The following PRKG1 variants were observed in gnomAD, a reference collection of about 807,000 sequenced individuals.
PRKG1 encodes protein kinase cGMP-dependent 1.
PRKG1 carries 35 observed loss-of-function variants against 88.1 expected under a neutral mutation model. The ratio of observed to expected loss-of-function variants is 0.40; its 90% CI spans 0.30 to 0.53. The LOEUF (loss-of-function observed/expected upper bound fraction) is 0.53, where lower values mean the gene tolerates loss of function less well. Among genes scored for constraint, PRKG1 ranks in the 20% least tolerant of loss-of-function variants. The pLI is 0.59. For missense variants in PRKG1, 540 were observed against 839.8 expected, an observed-to-expected ratio of 0.64 and a Z score of 4.41; for synonymous variants, 303 against 292.5, an observed-to-expected ratio of 1.04 and a Z score of -0.37.
intron 2 of PRKG1, among the ~76,000 whole-genome samples, chr10:51,222,065 C>T (rs561314234): frequency 2.0e-5 from 3 of 151,724 alleles, no homozygotes; most frequent in East Asian, 1.9e-4. Context: ...GTATTAGACA[C>T]GGGGTTTCAC....
chr10:51,759,863 A>T (rs78170764), intron 3 of PRKG1, among the ~76,000 whole-genome samples: 9 of 152,260 alleles, frequency 5.9e-5, no homozygotes, highest in African/African-American at 2.2e-4. Flanking sequence ...TATATTGTAA[A>T]CATCTTTCTG....
At chr10:51,674,820 A>G (rs991545847) in intron 3 of PRKG1, among the ~76,000 whole-genome samples, 3 of 152,172 alleles carry the variant, frequency 2.0e-5, no homozygotes, top group Admixed American at 1.3e-4. Flanking sequence ...ACTGTTTCCT[A>G]TACTTGGAGT....
At chr10:51,826,068 G>A (rs1839874805) in intron 4 of PRKG1, among the ~76,000 whole-genome samples, 1 of 152,104 alleles carries the variant, frequency 6.6e-6, no homozygotes, top group Admixed American at 6.6e-5. Context: ...AGGGTAAGGG[G>A]CCATCATGAA....
At chr10:52,291,107 G>A (rs1000899040) in intron 17 of PRKG1, among the ~76,000 whole-genome samples, 5 of 151,564 alleles carry the variant, frequency 3.3e-5, no homozygotes, top group Non-Finnish European at 7.4e-5. Context: ...ATTTTTAGTA[G>A]AGACACAGTT....
intron 3 of PRKG1, among the ~76,000 whole-genome samples, chr10:51,681,793 T>C (rs1397484156): frequency 1.3e-5 from 2 of 152,182 alleles, no homozygotes; most frequent in Non-Finnish European, 2.9e-5. Flanking sequence ...AATTAAATCA[T>C]AACATTTTGA....
intron 3 of PRKG1, among the ~76,000 whole-genome samples, chr10:51,694,741 ATG>A (rs1841240815): frequency 6.6e-6 from 1 of 152,182 alleles, no homozygotes; most frequent in South Asian, 2.1e-4. Context: ...AAAATTCAGG[ATG>A]TGAGGGGTTA....
intron 3 of PRKG1, among the ~76,000 whole-genome samples, chr10:51,681,393 T>A (rs1840845353): frequency 6.6e-6 from 1 of 152,182 alleles, no homozygotes; most frequent in African/African-American, 2.4e-5. Context: ...AGTAAAAATT[T>A]GAGGAGAAAT....
At chr10:51,746,297 A>G (rs1335489598) in intron 3 of PRKG1, among the ~76,000 whole-genome samples, 1 of 151,382 alleles carries the variant, frequency 6.6e-6, no homozygotes, top group Non-Finnish European at 1.5e-5. Flanking sequence ...AAATTAGTTT[A>G]CATTTAAAAA....
chr10:51,148,377 G>A (rs1056463489), intron 1 of PRKG1: 2 of 489,632 alleles, frequency 4.1e-6, no homozygotes, highest in South Asian at 1.8e-4. Flanking sequence ...TATTATAGAA[G>A]ATTTGTGCTA....
chr10:51,216,309 A>C (rs537934228), intron 2 of PRKG1, among the ~76,000 whole-genome samples: 134 of 152,336 alleles, frequency 8.8e-4, no homozygotes, highest in African/African-American at 3.1e-3. Flanking sequence ...GTTATCTTAC[A>C]TAATTCACAA....
intron 1 of PRKG1, among the ~76,000 whole-genome samples, chr10:51,098,359 C>G (rs57572714): frequency 0.029 from 4,488 of 152,214 alleles, 175 homozygotes; most frequent in African/African-American, 0.085. Flanking sequence ...TGTTATTTAC[C>G]TATTCCTTCA....
At chr10:52,039,721 G>A (rs1845708965) in intron 5 of PRKG1, among the ~76,000 whole-genome samples, 1 of 152,084 alleles carries the variant, frequency 6.6e-6, no homozygotes, top group African/African-American at 2.4e-5. Context: ...ACTGGTTAGT[G>A]CCCTTAAACT....
At chr10:52,118,540 G>A (rs575905620) in intron 7 of PRKG1, among the ~76,000 whole-genome samples, 7 of 152,050 alleles carry the variant, frequency 4.6e-5, no homozygotes, top group Admixed American at 4.6e-4. Flanking sequence ...AGTAAGGCAA[G>A]TTTAATATGT....
chr10:51,103,824 C>G (rs1360826187), intron 1 of PRKG1, among the ~76,000 whole-genome samples: 2 of 152,106 alleles, frequency 1.3e-5, no homozygotes, highest in Non-Finnish European at 2.9e-5. Flanking sequence ...GAGAGGAAAG[C>G]GTCTGGAGTA....
chr10:51,641,098 A>T (rs1839788048), intron 3 of PRKG1, among the ~76,000 whole-genome samples: 1 of 152,116 alleles, frequency 6.6e-6, no homozygotes, highest in Non-Finnish European at 1.5e-5. Flanking sequence ...CCTTTATAAT[A>T]CTGCAAAATG....
chr10:51,404,353 G>A (rs1001654115), intron 2 of PRKG1, among the ~76,000 whole-genome samples: 2 of 152,162 alleles, frequency 1.3e-5, no homozygotes, highest in African/African-American at 4.8e-5. Flanking sequence ...AGATTATGAT[G>A]AAACAATAAC....
chr10:51,970,812 T>C (rs1843696275), intron 5 of PRKG1, among the ~76,000 whole-genome samples: 1 of 142,850 alleles, frequency 7.0e-6, no homozygotes, highest in Non-Finnish European at 1.5e-5. Flanking sequence ...TATCAGATGA[T>C]GTGTATATAT....
intron 2 of PRKG1, among the ~76,000 whole-genome samples, chr10:51,461,118 A>C (rs558658428): frequency 6.6e-6 from 1 of 152,280 alleles, no homozygotes; most frequent in East Asian, 1.9e-4. Flanking sequence ...ATCTGTTGTA[A>C]TTTAGTATAA....
At chr10:51,196,478 T>A (rs1336124919) in intron 2 of PRKG1, among the ~76,000 whole-genome samples, 2 of 152,162 alleles carry the variant, frequency 1.3e-5, no homozygotes, top group African/African-American at 4.8e-5. Flanking sequence ...ACTAGAAACC[T>A]TTGTCAGTGA....
Sources: gnomAD v4.1 joint callset for allele counts (sites outside exome capture counted in the v4.1 genomes callset) on GRCh38, gnomAD v4.1.1 for gene constraint, MANE v1.5 for transcripts, NCBI Gene and HGNC (gene_info 2026-07-23, HGNC 2026-07-21) for gene names.